AKIRIN1: variants seen among roughly 807,000 people sequenced by gnomAD.
The protein encoded by AKIRIN1 is akirin 1, also known as akirin-1.
In AKIRIN1, 4 loss-of-function variants were observed where a neutral mutation model predicts 25.9. The ratio of observed to expected loss-of-function variants is 0.15; its 90% CI spans 0.08 to 0.35. The LOEUF is 0.35. AKIRIN1 is among the 10% of genes least tolerant of loss of function. The pLI is 1.00. For missense variants in AKIRIN1, 243 were observed against 266.1 expected (o/e 0.91, Z 0.61); for synonymous variants, 125 against 105.1 (o/e 1.19, Z -1.16).
intron 2 of AKIRIN1, 82 bp from the exon 3 acceptor site, chr1:39,000,890 G>T (rs908284612): frequency 6.9e-6 from 10 of 1,439,936 alleles, no homozygotes; most frequent in East Asian, 2.4e-5. Context: ...CAGATGATCC[G>T]CCTGCCTTGG....
Position 38,991,467 on chromosome 1 carries a change from C to T in AKIRIN1, c.87C>T (p.Ala29=), listed in dbSNP as rs1342951750. The T allele has an allele frequency of 4.3e-6, 6 of 1,393,008 alleles. No homozygotes were observed. The highest frequency in any genetic ancestry group is 3.1e-5 in the East Asian group (1 of 32,662). 86.3% of individuals were successfully genotyped at this position (1,393,008 alleles called of 1,614,324 possible). A position where few individuals can be genotyped will look rare whatever the true frequency, so the allele number is the denominator to read the frequency against. ...GCTCCCCGAAGCGGCGGCGCTGCGC[C>T]CCTCTGCCCGGCCCCACTCCGGGCC... ...SPGSPKRRRC[A]PLPGPTPGLR... is the part of the protein sequence containing the mutation. The change falls in exon 1 of 5, where the codon GCC becomes GCT. Residue 29 remains alanine, a synonymous_variant. Coordinates refer to ENST00000432648, the MANE Select transcript of AKIRIN1 (RefSeq NM_024595.3).
At chr1:38,991,677 G>GGA in intron 1 of AKIRIN1, 77 bp downstream of exon 1, 1 of 192,414 alleles carries the variant, frequency 5.2e-6, no homozygotes, top group Non-Finnish European at 1.1e-5. Context: ...GGAGGGTTGG[G>GGA]AATACCAGGC....
rs1644030425 is a variant in AKIRIN1, at chr1:39,005,845, TAAC to T, written c.*1793_*1795del. On this transcript the variant is annotated 3_prime_UTR_variant, in exon 5 of 5. Coordinates refer to ENST00000432648, the MANE Select transcript of AKIRIN1 (RefSeq NM_024595.3). Reference sequence around the variant, plus strand: ...TTTGTACATTTTCATTATATAGTGTTAACAAGCTTAGTTGCAAACAAATAAAAT... The same window carrying T: ...TTTGTACATTTTCATTATATAGTGTTAAGCTTAGTTGCAAACAAATAAAAT... 1 of 152,228 alleles carries T rather than the reference TAAC, an allele frequency of 6.6e-6. No homozygotes were observed. Among genetic ancestry groups the T allele is most frequent in the Non-Finnish European group, 1.5e-5 (1 of 68,036 alleles). 9.4% of individuals were successfully genotyped at this position (152,228 alleles called of 1,614,324 possible). A position where few individuals can be genotyped will look rare whatever the true frequency, so the allele number is the denominator to read the frequency against.
At chr1:38,993,835 C>T (rs1465690254) in intron 1 of AKIRIN1, among the ~76,000 whole-genome samples, 3 of 151,926 alleles carry the variant, frequency 2.0e-5, no homozygotes, top group South Asian at 2.1e-4. Flanking sequence ...CTTTGGGAGG[C>T]GGAGGCGGGC....
In AKIRIN1 at chr1:38,991,518, G is replaced by T; in HGVS notation, c.138G>T (p.Pro46=). The T allele has an allele frequency of 6.9e-7, 1 of 1,454,810 alleles. No homozygotes were observed. The highest frequency in any genetic ancestry group is 9.0e-7 in the Non-Finnish European group (1 of 1,108,172). 90.1% of individuals were successfully genotyped at this position (1,454,810 alleles called of 1,614,324 possible). Residue 46 remains proline, a synonymous_variant, in exon 1 of 5, where the codon CCG becomes CCT. Coordinates refer to ENST00000432648, the MANE Select transcript of AKIRIN1 (RefSeq NM_024595.3). ...PGLRPPDAEP[P]PPFQTQTPPQ... ...TCAGGCCCCCGGACGCCGAGCCGCC[G>T]CCGCCGTTTCAGACGCAGACCCCAC...
At chr1:38,991,710 T>A in intron 1 of AKIRIN1, 110 bp downstream of exon 1, 1 of 1,152,560 alleles carries the variant, frequency 8.7e-7, no homozygotes, top group Non-Finnish European at 1.1e-6. Flanking sequence ...GGACCCCTTC[T>A]TTGCCTTGAG....
rs1371592859 is a variant in AKIRIN1 at position 38,991,312 on chromosome 1, C to T, written c.-69C>T. 3.9e-6 allele frequency: 5 copies of T among 1,268,042 alleles called. No homozygotes were observed. The highest frequency in any genetic ancestry group is 3.0e-4 in the Middle Eastern group (1 of 3,356). The allele number at this position is 1,268,042 out of a possible 1,614,324, so 78.5% of individuals were successfully genotyped here. A position where few individuals can be genotyped will look rare whatever the true frequency, so the allele number is the denominator to read the frequency against. ...CATTGGAGCCGGCTTGGCTGGCGAG[C>T]CCGGCTGAGGAGCCTCTTGGGCCGC... On this transcript the variant is annotated 5_prime_UTR_variant, in exon 1 of 5. Coordinates refer to ENST00000432648, the MANE Select transcript of AKIRIN1 (RefSeq NM_024595.3).
intron 1 of AKIRIN1, among the ~76,000 whole-genome samples, chr1:38,996,536 ATT>A (rs34122150): frequency 1.4e-5 from 2 of 144,764 alleles, no homozygotes; most frequent in Non-Finnish European, 1.5e-5. Context: ...TTGTTTTTCT[ATT>A]TTTTTTTTGA....
rs10528399 is a variant in AKIRIN1, at chr1:38,994,672, A to ATTTTTTTTTTTTT, written c.220+3094_220+3106dup. On this transcript the variant is annotated intron_variant, in intron 1 of 4. Transcript: ENST00000432648. Reference sequence around the variant, plus strand: ...AGGCATGTGTCACTACGCTCGGCTAATTTTTTTTTTTTTTTTTTTTTTTTT... The same window carrying ATTTTTTTTTTTTT: ...AGGCATGTGTCACTACGCTCGGCTAATTTTTTTTTTTTTTTTTTTTTTTTTTTTTTTTTTTTTT... Among the ~76,000 whole-genome samples, 30 of 63,550 alleles carry ATTTTTTTTTTTTT rather than the reference A, an allele frequency of 4.7e-4. 1 individual carries two copies. Among genetic ancestry groups the ATTTTTTTTTTTTT allele is most frequent in the Middle Eastern group, 0.013 (1 of 76 alleles). The allele number at this position is 63,550 out of a possible 152,430, so 41.7% of individuals were successfully genotyped here.
In AKIRIN1 at chr1:39,004,035, T is replaced by G. The variant is rs754031230; in HGVS notation, c.569-10T>G. ...TCTTACCCTTTTTGTTTTTTATTCT[T>G]AATTTACAGATGTGTCATGAAGCTT... On this transcript the variant is annotated splice_polypyrimidine_tract_variant and intron_variant, in intron 4 of 4. Coordinates refer to ENST00000432648, the MANE Select transcript of AKIRIN1 (RefSeq NM_024595.3). The G allele has an allele frequency of 3.7e-5, 59 of 1,608,778 alleles. No individual in the cohort carries two copies. Among genetic ancestry groups the G allele is most frequent in the Non-Finnish European group, 4.0e-5 (47 of 1,175,706 alleles).
chr1:39,003,992 C>A, intron 4 of AKIRIN1, 53 bp from the exon 5 acceptor site: 2 of 1,516,964 alleles, frequency 1.3e-6, no homozygotes, highest in Non-Finnish European at 1.8e-6. Context: ...TAAAGCATGA[C>A]ACTACAGTTT....
intron 1 of AKIRIN1, among the ~76,000 whole-genome samples, chr1:38,997,813 G>T (rs928418145): frequency 2.6e-5 from 4 of 152,178 alleles, no homozygotes; most frequent in African/African-American, 9.7e-5. Flanking sequence ...GTAAACAGAG[G>T]TTTCTTTTAC....
chr1:39,001,485 CA>C (rs1404202342), intron 3 of AKIRIN1, among the ~76,000 whole-genome samples: 1 of 151,952 alleles, frequency 6.6e-6, no homozygotes, highest in African/African-American at 2.4e-5. Context: ...AGGCTGGTCT[CA>C]AACTCCTGAC....
intron 1 of AKIRIN1, among the ~76,000 whole-genome samples, chr1:38,995,809 G>T (rs965475063): frequency 6.6e-6 from 1 of 152,170 alleles, no homozygotes; most frequent in African/African-American, 2.4e-5. Flanking sequence ...GAGGCGGGCG[G>T]ATCAGCTGAG....
rs1394390176 is a variant in AKIRIN1 at position 39,005,477 on chromosome 1, C to T, written c.*1422C>T. The stretch of plus-strand genomic sequence containing the variant: ...AAGGCTGAGGAACAGAAAGTAGCCT[C>T]TGTTTTGAGGAGGTGGAAGTTAAGT... On this transcript the variant is annotated 3_prime_UTR_variant, in exon 5 of 5. Coordinates refer to ENST00000432648, the MANE Select transcript of AKIRIN1 (RefSeq NM_024595.3). 6.6e-6 allele frequency: 1 copy of T among 152,128 alleles called. No homozygotes were observed. Among genetic ancestry groups the T allele is most frequent in the Admixed American group, 6.6e-5 (1 of 15,262 alleles). The allele number at this position is 152,128 out of a possible 1,614,324, so 9.4% of individuals were successfully genotyped here.
intron 2 of AKIRIN1, among the ~76,000 whole-genome samples, chr1:38,999,101 T>A (rs1054715543): frequency 1.6e-4 from 24 of 152,196 alleles, no homozygotes; most frequent in African/African-American, 5.6e-4. Flanking sequence ...GGTCATGTAG[T>A]GACTCAGTTT....
intron 1 of AKIRIN1, among the ~76,000 whole-genome samples, chr1:38,997,901 T>A (rs1192600851): frequency 1.3e-5 from 2 of 152,204 alleles, no homozygotes; most frequent in East Asian, 3.8e-4. Flanking sequence ...TAAAGGGAAC[T>A]CTGTCTGGTT....
intron 3 of AKIRIN1, among the ~76,000 whole-genome samples, chr1:39,002,434 T>C (rs1460657881): frequency 6.6e-6 from 1 of 152,104 alleles, no homozygotes; most frequent in African/African-American, 2.4e-5. Context: ...ATATGTATTA[T>C]AAGAAGAAGG....
chr1:38,991,510 G>C lies in AKIRIN1; in HGVS notation c.130G>C (p.Glu44Gln). Residue 44 changes from glutamate to glutamine, a missense_variant, in exon 1 of 5, where the codon GAG becomes CAG. Glu to Gln is a conservative substitution (Grantham distance 29). This residue lies in a region of AKIRIN1 where 190 missense variants were observed against 174.4 expected (regional missense o/e 1.09). Transcript: ENST00000432648. ...TCCGGGCCTCAGGCCCCCGGACGCCGAGCCGCCGCCGCCGTTTCAGACGCA... is the reference window on the plus strand; with the variant it reads ...TCCGGGCCTCAGGCCCCCGGACGCCCAGCCGCCGCCGCCGTTTCAGACGCA... ...PTPGLRPPDA[E>Q]PPPPFQTQTP... is the part of the protein sequence containing the mutation. 2 of 1,451,622 alleles carry C rather than the reference G, an allele frequency of 1.4e-6. No homozygotes were observed. Among genetic ancestry groups the C allele is most frequent in the South Asian group, 1.4e-5 (1 of 73,504 alleles). 89.9% of individuals were successfully genotyped at this position (1,451,622 alleles called of 1,614,324 possible). A position where few individuals can be genotyped will look rare whatever the true frequency, so the allele number is the denominator to read the frequency against.
Sources: gnomAD v4.1 joint callset for allele counts (sites outside exome capture counted in the v4.1 genomes callset) on GRCh38, gnomAD v4.1.1 for gene constraint, gnomAD v4.1.1 regional missense constraint, MANE v1.5 for transcripts, NCBI Gene and HGNC (gene_info 2026-07-23, HGNC 2026-07-21) for gene names.